The following ARL15 variants were observed in gnomAD, a reference collection of about 807,000 sequenced individuals.
ARL15 encodes ARF like GTPase 15.
In ARL15, 19 loss-of-function variants were observed where a neutral mutation model predicts 25.2. The ratio of observed to expected loss-of-function variants is 0.75; its 90% CI spans 0.53 to 1.10. The LOEUF (loss-of-function observed/expected upper bound fraction) is 1.10, where lower values mean the gene tolerates loss of function less well. Among genes scored for constraint, ARL15 ranks in the 50% least tolerant of loss-of-function variants. The pLI, the probability that ARL15 is intolerant of heterozygous loss-of-function variation, is 0.00. For missense variants in ARL15, 220 were observed against 246.0 expected (o/e 0.89, Z 0.71); for synonymous variants, 94 against 86.8 (o/e 1.08, Z -0.46).
chr5:54,299,584 CTTTTTTTTTTTT>C (rs752417066), intron 1 of ARL15, among the ~76,000 whole-genome samples: 1 of 79,556 alleles, frequency 1.3e-5, no homozygotes, highest in Middle Eastern at 0.014. Context: ...TAGCTATTAG[CTTTTTTTTTTTT>C]TTTTTTTTTT....
chr5:54,272,287 C>T (rs1002913219), intron 1 of ARL15, among the ~76,000 whole-genome samples: 3 of 151,798 alleles, frequency 2.0e-5, no homozygotes, highest in African/African-American at 2.4e-5. Flanking sequence ...TCCCAAACTA[C>T]GGATATGAGT....
At chr5:54,134,568 C>CTTTTTTTTTTTTTT (rs5867914) in intron 3 of ARL15, among the ~76,000 whole-genome samples, 1 of 51,772 alleles carries the variant, frequency 1.9e-5, no homozygotes, top group African/African-American at 8.1e-5. Flanking sequence ...GAATGATTAG[C>CTTTTTTTTTTTTTT]TTTTTTTTTT....
At chr5:54,188,117 TA>T (rs1426781818) in intron 1 of ARL15, among the ~76,000 whole-genome samples, 5 of 151,730 alleles carry the variant, frequency 3.3e-5, no homozygotes, top group Admixed American at 2.6e-4. Flanking sequence ...ACAACAAGAA[TA>T]AAAAAAACTA....
intron 2 of ARL15, among the ~76,000 whole-genome samples, chr5:54,159,382 G>A (rs951462682): frequency 2.0e-5 from 3 of 152,102 alleles, no homozygotes; most frequent in Non-Finnish European, 2.9e-5. Flanking sequence ...GTGTGCTAAC[G>A]TGACAAGGGA....
At chr5:53,895,463 T>C (rs1242181838) in intron 4 of ARL15, among the ~76,000 whole-genome samples, 1 of 152,184 alleles carries the variant, frequency 6.6e-6, no homozygotes, top group Non-Finnish European at 1.5e-5. Context: ...CACAGGAAGT[T>C]TTCTTACCAA....
intron 4 of ARL15, among the ~76,000 whole-genome samples, chr5:53,999,255 C>T (rs1053303901): frequency 1.3e-5 from 2 of 152,172 alleles, no homozygotes; most frequent in African/African-American, 4.8e-5. Context: ...CTAAAATAAG[C>T]TCAGGAAGAA....
chr5:54,155,345 G>A (rs1445760563), intron 2 of ARL15, among the ~76,000 whole-genome samples: 1 of 152,108 alleles, frequency 6.6e-6, no homozygotes, highest in Non-Finnish European at 1.5e-5. Context: ...TAAAGTTAAT[G>A]TCTTATAATT....
chr5:53,966,090 G>A (rs958801063), intron 4 of ARL15, among the ~76,000 whole-genome samples: 2 of 152,088 alleles, frequency 1.3e-5, no homozygotes, highest in Non-Finnish European at 2.9e-5. Flanking sequence ...GGATGGGGCT[G>A]GTCACCAGAA....
At chr5:54,065,967 G>A (rs920713084) in intron 4 of ARL15, among the ~76,000 whole-genome samples, 1 of 152,128 alleles carries the variant, frequency 6.6e-6, no homozygotes, top group South Asian at 2.1e-4. Flanking sequence ...GATCAATAAG[G>A]AATATAAACC....
At chr5:53,889,251 T>C (rs1744640027) in intron 4 of ARL15, among the ~76,000 whole-genome samples, 1 of 152,200 alleles carries the variant, frequency 6.6e-6, no homozygotes, top group Non-Finnish European at 1.5e-5. Context: ...TTGAAAACAA[T>C]ATTGGATTAA....
intron 1 of ARL15, among the ~76,000 whole-genome samples, chr5:54,266,523 C>G (rs3797231): frequency 0.64 from 97,416 of 152,018 alleles, 31,889 homozygotes; most frequent in Non-Finnish European, 0.71. Flanking sequence ...TCTATTATCT[C>G]TCTGTATTTA....
At chr5:54,154,670 G>T in intron 2 of ARL15, 31 bp from the exon 3 acceptor site, 2 of 1,362,082 alleles carry the variant, frequency 1.5e-6, no homozygotes, top group South Asian at 1.4e-5. Flanking sequence ...CATAAAAAAA[G>T]AATTAGCAAC....
At chr5:54,218,735 C>T (rs954462657) in intron 1 of ARL15, among the ~76,000 whole-genome samples, 2 of 152,092 alleles carry the variant, frequency 1.3e-5, no homozygotes, top group African/African-American at 2.4e-5. Context: ...AGCCATTGCA[C>T]ACCTTCTATA....
intron 4 of ARL15, among the ~76,000 whole-genome samples, chr5:53,944,486 G>A (rs998265250): frequency 6.6e-6 from 1 of 151,966 alleles, no homozygotes; most frequent in Non-Finnish European, 1.5e-5. Flanking sequence ...GTGGCATGCG[G>A]GAGGCTGAGG....
intron 4 of ARL15, among the ~76,000 whole-genome samples, chr5:54,017,477 G>A (rs548445477): frequency 6.6e-6 from 1 of 151,320 alleles, no homozygotes; most frequent in South Asian, 2.1e-4. Flanking sequence ...AGGCTATTAT[G>A]ATAACTTCAC....
At chr5:54,074,538 C>T in intron 4 of ARL15, among the ~76,000 whole-genome samples, 1 of 152,236 alleles carries the variant, frequency 6.6e-6, no homozygotes, top group African/African-American at 2.4e-5. Flanking sequence ...ATCTGCTTTT[C>T]TGCTTTTGTA....
At chr5:53,894,380 G>T (rs1310931788) in intron 4 of ARL15, among the ~76,000 whole-genome samples, 1 of 152,196 alleles carries the variant, frequency 6.6e-6, no homozygotes, top group Non-Finnish European at 1.5e-5. Context: ...AAGTTAGTAT[G>T]TCCCAGAATA....
At position 53,914,732 on chromosome 5, in the gene ARL15, A is replaced by G. The variant is rs986963836; in HGVS notation, c.463-28019T>C. 3.3e-5 allele frequency among the ~76,000 whole-genome samples: 5 copies of G among 152,336 alleles called. No individual in the cohort carries two copies. In the South Asian group the frequency reaches 1.0e-3, roughly 32 times the overall value. On this transcript the variant is annotated intron_variant, in intron 4 of 4. Coordinates refer to ENST00000504924, the MANE Select transcript of ARL15 (RefSeq NM_019087.3). ...ACTGAATGGAACTGAATGAGCTGCT[A>G]ATGAGAATAGACAAAGGAATCTTTT...
At chr5:54,305,210 CAA>C (rs980644373) in intron 1 of ARL15, among the ~76,000 whole-genome samples, 7 of 152,020 alleles carry the variant, frequency 4.6e-5, no homozygotes, top group Non-Finnish European at 1.0e-4. Flanking sequence ...TATTAAATCC[CAA>C]ACACTGGCAG....
Sources: gnomAD v4.1 joint callset for allele counts (sites outside exome capture counted in the v4.1 genomes callset) on GRCh38, gnomAD v4.1.1 for gene constraint, MANE v1.5 for transcripts, NCBI Gene and HGNC (gene_info 2026-07-23, HGNC 2026-07-21) for gene names.